Variants in LARGE1 observed in about 807,000 individuals in gnomAD.
LARGE1 encodes the protein xylosyl- and glucuronyltransferase LARGE1.
In LARGE1, 43 loss-of-function variants were observed where a neutral mutation model predicts 87.6. The ratio of observed to expected loss-of-function variants is 0.49; its 90% confidence interval spans 0.38 to 0.63. LARGE1 has a LOEUF of 0.63. Ranked by LOEUF, LARGE1 falls within the 30% of genes least tolerant of loss-of-function variation. LARGE1 has a pLI of 0.00. For missense variants in LARGE1, 802 were observed against 1,000.2 expected (o/e 0.80, Z 2.67); for synonymous variants, 434 against 394.6 (o/e 1.10, Z -1.18).
chr22:33,825,202 T>C (rs73882307), intron 1 of LARGE1, among the ~76,000 whole-genome samples: 3,871 of 152,294 alleles, frequency 0.025, 147 homozygotes, highest in African/African-American at 0.089. Context: ...CTTTGCATTA[T>C]GAAGGAAATC....
chr22:33,582,483 G>A (rs1176884693), intron 5 of LARGE1, among the ~76,000 whole-genome samples: 2 of 152,028 alleles, frequency 1.3e-5, no homozygotes, highest in Admixed American at 6.5e-5. Flanking sequence ...CTACATATAA[G>A]AGAATTGAAT....
intron 10 of LARGE1, among the ~76,000 whole-genome samples, chr22:33,326,581 C>G (rs546984822): frequency 3.3e-5 from 5 of 152,264 alleles, no homozygotes; most frequent in South Asian, 4.2e-4. Flanking sequence ...GGAGTTTAAG[C>G]AGATCACCAG....
chr22:33,321,198 T>G (rs1936678822), intron 10 of LARGE1, among the ~76,000 whole-genome samples: 1 of 152,228 alleles, frequency 6.6e-6, no homozygotes, highest in African/African-American at 2.4e-5. Context: ...AGATGTCACC[T>G]ATTATCATAG....
chr22:33,074,276 G>T, the LARGE1 span, among the ~76,000 whole-genome samples: 1 of 152,120 alleles, frequency 6.6e-6, no homozygotes, highest in Non-Finnish European at 1.5e-5. Context: ...ACATTGTTGT[G>T]AGTTGCAATA....
At chr22:33,297,237 G>T (rs1447715302) in intron 12 of LARGE1, among the ~76,000 whole-genome samples, 1 of 152,162 alleles carries the variant, frequency 6.6e-6, no homozygotes, top group African/African-American at 2.4e-5. Flanking sequence ...GTCAAGCTGG[G>T]GAGAAAAGAG....
intron 2 of LARGE1, among the ~76,000 whole-genome samples, chr22:33,676,590 CAA>C (rs34160766): frequency 4.5e-5 from 6 of 132,138 alleles, no homozygotes; most frequent in Admixed American, 1.5e-4. Flanking sequence ...ACACCACCAA[CAA>C]AAAAAAAAAA....
chr22:33,672,285 G>A (rs748103827), intron 2 of LARGE1, among the ~76,000 whole-genome samples: 5 of 152,154 alleles, frequency 3.3e-5, no homozygotes, highest in Admixed American at 2.0e-4. Flanking sequence ...ACCTCCCTCA[G>A]AAAAACCGAA....
Position 33,872,172 on chromosome 22 carries a change from G to A in LARGE1, c.-83+47823C>T, listed in dbSNP as rs1226631604. Among the ~76,000 whole-genome samples, 3 of 151,852 alleles carry A rather than the reference G, an allele frequency of 2.0e-5. No homozygotes were observed. The East Asian group carries it at 5.8e-4, about 29-fold the overall frequency. On this transcript the variant is annotated intron_variant, in intron 1 of 14. Coordinates refer to ENST00000397394, the MANE Select transcript of LARGE1 (RefSeq NM_133642.5). ...CTGGTCACTCCACACACAGCACGCT[G>A]TCTTGACTGCCATGTGGCGGCGTGG...
intron 1 of LARGE1, among the ~76,000 whole-genome samples, chr22:33,794,362 G>T (rs1255209847): frequency 1.3e-5 from 2 of 152,168 alleles, no homozygotes; most frequent in East Asian, 3.9e-4. Context: ...AAGGGCTCAG[G>T]CTGGGGCATG....
intron 1 of LARGE1, among the ~76,000 whole-genome samples, chr22:33,772,804 A>C (rs1212665004): frequency 1.3e-5 from 2 of 152,108 alleles, no homozygotes; most frequent in Non-Finnish European, 2.9e-5. Flanking sequence ...TTTATATTCA[A>C]GGTATATCCA....
intron 5 of LARGE1, among the ~76,000 whole-genome samples, chr22:33,574,685 ATTGT>A (rs2078299491): frequency 8.4e-6 from 1 of 119,248 alleles, no homozygotes; most frequent in East Asian, 2.8e-4. Context: ...GATATAAACA[ATTGT>A]GTGTGTGTGT....
intron 6 of LARGE1, among the ~76,000 whole-genome samples, chr22:33,476,874 G>A (rs1457704302): frequency 6.6e-6 from 1 of 152,156 alleles, no homozygotes; most frequent in African/African-American, 2.4e-5. Context: ...ACCTTTTCAT[G>A]CACGCAACAT....
chr22:33,205,529 G>A (rs1924630889), intron 11 of LARGE1, among the ~76,000 whole-genome samples: 1 of 152,182 alleles, frequency 6.6e-6, no homozygotes, highest in South Asian at 2.1e-4. Flanking sequence ...CAATAAAACT[G>A]GGTAATGTAA....
At chr22:33,704,906 G>C (rs576718385) in intron 2 of LARGE1, 1 of 152,376 alleles carries the variant, frequency 6.6e-6, no homozygotes, top group East Asian at 1.9e-4. Flanking sequence ...ACACGCAGAG[G>C]CTCTAAAGCA....
chr22:33,907,002 G>T (rs1037303735), intron 1 of LARGE1, among the ~76,000 whole-genome samples: 3 of 151,930 alleles, frequency 2.0e-5, no homozygotes, highest in Non-Finnish European at 4.4e-5. Context: ...CCAAGCAGAA[G>T]AAAAAGGAAA....
At chr22:33,112,572 GA>G in the LARGE1 span, among the ~76,000 whole-genome samples, 1 of 152,216 alleles carries the variant, frequency 6.6e-6, no homozygotes, top group Non-Finnish European at 1.5e-5. Flanking sequence ...GTGAGTGCCA[GA>G]AAAGGCCCTT....
intron 6 of LARGE1, among the ~76,000 whole-genome samples, chr22:33,551,930 C>A (rs2077532708): frequency 7.2e-6 from 1 of 138,458 alleles, no homozygotes; most frequent in South Asian, 2.2e-4. Context: ...GGAGGCGGAG[C>A]ATGCAGTGAG....
chr22:33,072,091 G>T, the LARGE1 span, among the ~76,000 whole-genome samples: 1 of 152,030 alleles, frequency 6.6e-6, no homozygotes, highest in Admixed American at 6.6e-5. Context: ...CCACCTCCCT[G>T]CCCTCCCCAT....
At chr22:33,471,942 CGGGAG>C (rs1444856462) in intron 6 of LARGE1, among the ~76,000 whole-genome samples, 2 of 151,944 alleles carry the variant, frequency 1.3e-5, no homozygotes. Context: ...CCTAGCTACT[CGGGAG>C]GCTGAGGCAG....
Sources: gnomAD v4.1 joint callset for allele counts (sites outside exome capture counted in the v4.1 genomes callset) on GRCh38, gnomAD v4.1.1 for gene constraint, MANE v1.5 for transcripts, NCBI Gene and HGNC (gene_info 2026-07-23, HGNC 2026-07-21) for gene names.